Variants in MGLL observed in about 807,000 individuals in gnomAD.
The protein encoded by MGLL is monoglyceride lipase.
Under a neutral mutation model 29.1 loss-of-function variants are expected in MGLL, and 7 were observed. That is an observed-to-expected ratio of 0.24 (90% CI 0.14 to 0.45). The LOEUF is 0.45. Ranked by LOEUF, MGLL falls within the 20% of genes least tolerant of loss-of-function variation. The pLI is 0.99. For missense variants in MGLL, 356 were observed against 413.6 expected (o/e 0.86, Z 1.21); for synonymous variants, 148 against 168.3 (o/e 0.88, Z 0.93).
intron 3 of MGLL, among the ~76,000 whole-genome samples, chr3:127,777,212 A>G (rs2077051468): frequency 6.6e-6 from 1 of 152,224 alleles, no homozygotes; most frequent in African/African-American, 2.4e-5. Flanking sequence ...ACCTTCAGAA[A>G]GAACACAAGG....
intron 3 of MGLL, among the ~76,000 whole-genome samples, chr3:127,753,952 C>T (rs1559946742): frequency 6.6e-6 from 1 of 152,218 alleles, no homozygotes; most frequent in Non-Finnish European, 1.5e-5. Flanking sequence ...CCCTGTCTTC[C>T]TCAGGGGTCA....
chr3:127,725,671 C>A (rs1256211419), intron 3 of MGLL, among the ~76,000 whole-genome samples: 1 of 152,172 alleles, frequency 6.6e-6, no homozygotes, highest in East Asian at 1.9e-4. Flanking sequence ...AAAAAACATT[C>A]CAATAAAAAC....
At chr3:127,692,448 T>G (rs1014565565) in intron 7 of MGLL, 125 bp from the exon 8 acceptor site, 5 of 1,236,626 alleles carry the variant, frequency 4.0e-6, no homozygotes, top group Non-Finnish European at 5.8e-6. Context: ...CCCGAGGACC[T>G]GGCCCTGACC....
chr3:127,709,793 C>T (rs1418228191), intron 6 of MGLL, among the ~76,000 whole-genome samples: 1 of 152,216 alleles, frequency 6.6e-6, no homozygotes, highest in Non-Finnish European at 1.5e-5. Flanking sequence ...CACTCCCATA[C>T]CCAGACAGAG....
chr3:127,806,250 G>T (rs576596697), intron 2 of MGLL, among the ~76,000 whole-genome samples: 1 of 152,312 alleles, frequency 6.6e-6, no homozygotes, highest in Admixed American at 6.5e-5. Flanking sequence ...GTTCTCCTTG[G>T]GCTGTGAGCC....
chr3:127,820,311 G>A (rs1438183483), intron 2 of MGLL, among the ~76,000 whole-genome samples: 3 of 152,142 alleles, frequency 2.0e-5, no homozygotes, highest in Non-Finnish European at 2.9e-5. Context: ...CACAGAGATT[G>A]TGAAAACCAC....
intron 5 of MGLL, chr3:127,715,629 G>A: frequency 2.2e-6 from 1 of 455,752 alleles, no homozygotes; most frequent in South Asian, 1.6e-5. Flanking sequence ...GAGCTAAGCA[G>A]AGGAAGTGGG....
intron 3 of MGLL, among the ~76,000 whole-genome samples, chr3:127,733,898 C>T (rs2076197176): frequency 6.6e-6 from 1 of 152,158 alleles, no homozygotes; most frequent in Non-Finnish European, 1.5e-5. Context: ...GGTGTGCTGA[C>T]GTGGAGCAAG....
chr3:127,710,708 T>G, intron 5 of MGLL, 43 bp from the exon 6 acceptor site: 4 of 1,471,324 alleles, frequency 2.7e-6, no homozygotes, highest in Non-Finnish European at 3.7e-6. Context: ...ACAAGTGGCA[T>G]CCACACCCGG....
intron 3 of MGLL, among the ~76,000 whole-genome samples, chr3:127,772,904 G>A (rs978388727): frequency 3.3e-5 from 5 of 152,212 alleles, no homozygotes; most frequent in African/African-American, 1.2e-4. Context: ...CTATGAACCA[G>A]GAGGTGGTTC....
intron 2 of MGLL, among the ~76,000 whole-genome samples, chr3:127,808,320 T>G (rs2107747158): frequency 6.6e-6 from 1 of 152,316 alleles, no homozygotes; most frequent in East Asian, 1.9e-4. Context: ...TTTCTTAAGG[T>G]AGATTCCATT....
At chr3:127,746,111 G>A (rs939948044) in intron 3 of MGLL, among the ~76,000 whole-genome samples, 2 of 152,122 alleles carry the variant, frequency 1.3e-5, no homozygotes, top group Non-Finnish European at 2.9e-5. Flanking sequence ...CAACAGCACC[G>A]GCCAGGGAGA....
chr3:127,717,879 C>A (rs1400476572), intron 5 of MGLL, among the ~76,000 whole-genome samples: 1 of 152,284 alleles, frequency 6.6e-6, no homozygotes, highest in East Asian at 1.9e-4. Flanking sequence ...TGTACCCAGG[C>A]ACGAGCCGCG....
At chr3:127,728,543 C>G (rs2076089154) in intron 3 of MGLL, among the ~76,000 whole-genome samples, 2 of 152,208 alleles carry the variant, frequency 1.3e-5, no homozygotes, top group South Asian at 4.1e-4. Flanking sequence ...TGTCACAGAT[C>G]CCAGACCTGC....
rs998867128 is a variant in MGLL, at chr3:127,689,827, C to A, written c.*2371G>T. The A allele has an allele frequency of 6.6e-6, 1 of 152,252 alleles. No homozygotes were observed. The highest frequency in any genetic ancestry group is 1.5e-5 in the Non-Finnish European group (1 of 68,042). The allele number at this position is 152,252 out of a possible 1,614,324, so 9.4% of individuals were successfully genotyped here. On this transcript the variant is annotated 3_prime_UTR_variant, in exon 8 of 8. Coordinates refer to ENST00000265052, the MANE Select transcript of MGLL (RefSeq NM_007283.7). ...GCTCACACGCAGGGTCCTGTGTTGG[C>A]TCCTGACCCAGCAGGGGGACATGGT...
At chr3:127,776,508 C>T (rs750512136) in intron 3 of MGLL, among the ~76,000 whole-genome samples, 11 of 152,212 alleles carry the variant, frequency 7.2e-5, no homozygotes, top group East Asian at 1.9e-4. Flanking sequence ...CGACAAGACC[C>T]GGCCATCCTG....
chr3:127,741,466 C>A (rs2076338713), intron 3 of MGLL, among the ~76,000 whole-genome samples: 1 of 152,240 alleles, frequency 6.6e-6, no homozygotes, highest in African/African-American at 2.4e-5. Flanking sequence ...AAAGACAAAG[C>A]CGCCTGGTGT....
chr3:127,695,890 T>C (rs2075350572), intron 6 of MGLL, among the ~76,000 whole-genome samples: 1 of 152,262 alleles, frequency 6.6e-6, no homozygotes, highest in Admixed American at 6.5e-5. Context: ...CTGTCTCTGC[T>C]GATTTGGTGT....
At chr3:127,735,028 C>A (rs189659247) in intron 3 of MGLL, among the ~76,000 whole-genome samples, 3 of 152,226 alleles carry the variant, frequency 2.0e-5, no homozygotes, top group East Asian at 1.9e-4. Flanking sequence ...CACAACAGAC[C>A]CGGAGGAGCC....
Sources: allele counts gnomAD v4.1 joint callset (sites outside exome capture counted in the v4.1 genomes callset), GRCh38; gene constraint gnomAD v4.1.1; transcripts MANE v1.5; gene names NCBI Gene and HGNC (gene_info 2026-07-23, HGNC 2026-07-21).